SLC26A8: variants seen among roughly 807,000 people sequenced by gnomAD.
SLC26A8 encodes the protein solute carrier family 26 member 8.
In SLC26A8, 70 loss-of-function variants were observed where a neutral mutation model predicts 105.0. The observed-to-expected ratio is 0.67, with a 90% CI of 0.55 to 0.81. SLC26A8 has a LOEUF of 0.81. Among genes scored for constraint, SLC26A8 ranks in the 40% least tolerant of loss-of-function variants. SLC26A8 has a pLI of 0.00. For missense variants in SLC26A8, 998 were observed against 1,181.8 expected (o/e 0.84, Z 2.28); for synonymous variants, 415 against 438.3 (o/e 0.95, Z 0.66).
At chr6:35,989,575 A>G (rs2127346029) in intron 7 of SLC26A8, 1 of 152,342 alleles carries the variant, frequency 6.6e-6, no homozygotes, top group South Asian at 2.1e-4. Context: ...AAACATGGAG[A>G]ATAAACTCAG....
intron 3 of SLC26A8, among the ~76,000 whole-genome samples, chr6:36,003,883 G>A (rs851049): frequency 0.42 from 63,505 of 151,386 alleles, 13,581 homozygotes; most frequent in South Asian, 0.56. Flanking sequence ...GGATGGTCTC[G>A]ATCTCCTGAC....
At chr6:36,005,787 C>A (rs1386251894) in intron 3 of SLC26A8, among the ~76,000 whole-genome samples, 1 of 152,144 alleles carries the variant, frequency 6.6e-6, no homozygotes, top group East Asian at 1.9e-4. Context: ...TGCAAATTTT[C>A]ACCCACTGGT....
At chr6:35,975,264 A>G in intron 10 of SLC26A8, 111 bp downstream of exon 10, 1 of 496,644 alleles carries the variant, frequency 2.0e-6, no homozygotes, top group Non-Finnish European at 3.4e-6. Context: ...CATTAAGCAT[A>G]GCATTAAAAC....
At chr6:35,968,985 C>T (rs1458106171) in intron 10 of SLC26A8, 31 bp from the exon 11 acceptor site, 3 of 1,600,174 alleles carry the variant, frequency 1.9e-6, no homozygotes, top group Non-Finnish European at 1.7e-6. Flanking sequence ...GGAGAGAAAC[C>T]ATCAGGAACG....
intron 3 of SLC26A8, among the ~76,000 whole-genome samples, chr6:36,010,150 A>G (rs1435056981): frequency 2.0e-5 from 3 of 152,246 alleles, no homozygotes; most frequent in African/African-American, 7.2e-5. Flanking sequence ...GAATGTTCAT[A>G]GCAACTTCAT....
In SLC26A8 at chr6:35,955,395, G is replaced by A. The variant is rs530608561; in HGVS notation, c.1989C>T (p.Tyr663=). Residue 663 remains tyrosine, a synonymous_variant, in exon 17 of 20, where the codon TAC becomes TAT. Transcript: ENST00000490799. ...TTTTCTGAGACACGGACGATACTGTGTATGGCACTTGGTCTTCGGATGCAG... is the reference window on the plus strand; with the variant it reads ...TTTTCTGAGACACGGACGATACTGTATATGGCACTTGGTCTTCGGATGCAG... ...SQTASEDQVP[Y]TVSSVSQKNQ... The A allele has an allele frequency of 7.4e-6, 12 of 1,614,208 alleles. No individual in the cohort carries two copies. In the African/African-American group the frequency reaches 1.1e-4, roughly 14 times the overall value.
chr6:35,961,132 A>G (rs1252922925), intron 12 of SLC26A8, 33 bp from the exon 13 acceptor site: 1 of 1,556,368 alleles, frequency 6.4e-7, no homozygotes, highest in East Asian at 2.2e-5. Context: ...GAAAATGATC[A>G]TGAAAACAAG....
chr6:35,984,317 TTA>T (rs869266323), intron 7 of SLC26A8, among the ~76,000 whole-genome samples: 2 of 86,672 alleles, frequency 2.3e-5, no homozygotes, highest in Non-Finnish European at 2.2e-5. Flanking sequence ...CTTCTTCTTC[TTA>T]TTTTTTTTTT....
At chr6:36,023,546 C>CAAA (rs59633591) in intron 1 of SLC26A8, among the ~76,000 whole-genome samples, 18 of 63,480 alleles carry the variant, frequency 2.8e-4, no homozygotes, top group Middle Eastern at 0.011. Context: ...GACTCTGTCT[C>CAAA]AAAAAAAAAA....
chr6:36,019,563 T>C lies in SLC26A8; in HGVS notation c.145A>G (p.Met49Val). 6.2e-7 allele frequency: 1 copy of C among 1,614,112 alleles called. No individual in the cohort carries two copies. The highest frequency in any genetic ancestry group is 8.5e-7 in the Non-Finnish European group (1 of 1,180,008). The change falls in exon 2 of 20, where the codon ATG becomes GTG. Residue 49 changes from methionine (M) to valine (V), a missense_variant. Transcript: ENST00000490799. ...CTGAAGGTGGTGATGTTGATGTTCATGTTCCCAGAAGAGGAGGCCTTCCTT... is the reference window on the plus strand; with the variant it reads ...CTGAAGGTGGTGATGTTGATGTTCACGTTCCCAGAAGAGGAGGCCTTCCTT... ...HKRKASSSGN[M>V]NINITTFRHH...
intron 6 of SLC26A8, 24 bp downstream of exon 6, chr6:35,992,486 T>G (rs749738477): frequency 9.0e-5 from 143 of 1,596,112 alleles, no homozygotes; most frequent in Non-Finnish European, 1.1e-4. Flanking sequence ...TTTGTAACTC[T>G]GGGTAAGAGT....
At chr6:35,990,730 G>A (rs1272948484) in intron 7 of SLC26A8, among the ~76,000 whole-genome samples, 1 of 152,192 alleles carries the variant, frequency 6.6e-6, no homozygotes, top group Admixed American at 6.5e-5. Context: ...GGCTAGGCCT[G>A]TCATATGTTT....
intron 19 of SLC26A8, among the ~76,000 whole-genome samples, chr6:35,949,293 G>A (rs1581621020): frequency 6.6e-6 from 1 of 152,194 alleles, no homozygotes; most frequent in Non-Finnish European, 1.5e-5. Flanking sequence ...TTATCCAGGT[G>A]TGGTGGCGGG....
intron 9 of SLC26A8, among the ~76,000 whole-genome samples, 162 bp downstream of exon 9, chr6:35,977,042 C>T (rs774904551): frequency 2.0e-5 from 3 of 152,090 alleles, no homozygotes; most frequent in Non-Finnish European, 4.4e-5. Flanking sequence ...CAAGTGCCCT[C>T]AAAGTTAAGT....
In SLC26A8 at chr6:35,943,716, A is replaced by T; in HGVS notation, c.*184T>A. 1 of 773,150 alleles carries T rather than the reference A, an allele frequency of 1.3e-6. No individual in the cohort carries two copies. Among genetic ancestry groups the T allele is most frequent in the Non-Finnish European group, 2.0e-6 (1 of 505,890 alleles). 47.9% of individuals were successfully genotyped at this position (773,150 alleles called of 1,614,324 possible). A position where few individuals can be genotyped will look rare whatever the true frequency, so the allele number is the denominator to read the frequency against. On this transcript the variant is annotated 3_prime_UTR_variant, in exon 20 of 20. Coordinates refer to ENST00000490799, the MANE Select transcript of SLC26A8 (RefSeq NM_052961.4). The stretch of plus-strand genomic sequence containing the variant: ...AATTCAGAGATAATTGTTGGCATTT[A>T]GTAATGTGATTTGGGAGTATGATCC...
rs1773376944 is a variant in SLC26A8 at position 35,983,809 on chromosome 6, C to A, written c.943-1606G>T. 3.3e-5 allele frequency among the ~76,000 whole-genome samples: 5 copies of A among 152,240 alleles called. No homozygotes were observed. In the South Asian group the frequency reaches 8.3e-4, roughly 25 times the overall value. On this transcript the variant is annotated intron_variant, in intron 7 of 19. Coordinates refer to ENST00000490799, the MANE Select transcript of SLC26A8 (RefSeq NM_052961.4). ...ACCTCAGGTGATCCTCCTACCTCGG[C>A]CTCCCAAAGTGCTGGGATTACAGGC... is the stretch of plus-strand genomic sequence containing the variant.
intron 11 of SLC26A8, among the ~76,000 whole-genome samples, chr6:35,966,609 G>A (rs542437851): frequency 1.1e-4 from 16 of 152,110 alleles, no homozygotes; most frequent in Admixed American, 1.3e-4. Flanking sequence ...TTCAAAATTT[G>A]TGTTGGTCCT....
chr6:35,979,475 C>CA (rs1232413497), intron 8 of SLC26A8, among the ~76,000 whole-genome samples: 2 of 151,026 alleles, frequency 1.3e-5, no homozygotes, highest in Non-Finnish European at 3.0e-5. Context: ...GACTCTGTCT[C>CA]AAAAAAAATA....
chr6:36,024,463 T>C, intron 1 of SLC26A8, 41 bp downstream of exon 1: 1 of 449,422 alleles, frequency 2.2e-6, no homozygotes, highest in Non-Finnish European at 4.4e-6. Flanking sequence ...CCCTGGGACC[T>C]GCAGCCCCCG....
Sources: gnomAD v4.1 joint callset for allele counts (sites outside exome capture counted in the v4.1 genomes callset) on GRCh38, gnomAD v4.1.1 for gene constraint, MANE v1.5 for transcripts, NCBI Gene and HGNC (gene_info 2026-07-23, HGNC 2026-07-21) for gene names.